Variants in IFT57 observed in about 807,000 individuals in gnomAD.
IFT57 encodes the protein intraflagellar transport protein 57 homolog.
IFT57 carries 59 observed loss-of-function variants against 56.8 expected under a neutral mutation model. The observed-to-expected ratio is 1.04, with a 90% CI of 0.84 to 1.29. IFT57 has a LOEUF of 1.29. Ranked by LOEUF, IFT57 falls within the 50% of genes most tolerant of loss-of-function variation. The pLI, the probability that IFT57 is intolerant of heterozygous loss-of-function variation, is 0.00. For missense variants in IFT57, 470 were observed against 522.1 expected, an observed-to-expected ratio of 0.90 and a Z score of 0.97; for synonymous variants, 209 against 186.1, an observed-to-expected ratio of 1.12 and a Z score of -1.00.
At chr3:108,178,927 TGTACATAATGC>T (rs1401898217) in intron 6 of IFT57, among the ~76,000 whole-genome samples, 171 of 148,028 alleles carry the variant, frequency 1.2e-3, no homozygotes, top group African/African-American at 4.0e-3. Context: ...AGTAGAAATG[TGTACATAATGC>T]TGCTATGAAA....
At chr3:108,203,552 G>C (rs1436296280) in intron 5 of IFT57, among the ~76,000 whole-genome samples, 1 of 151,108 alleles carries the variant, frequency 6.6e-6, no homozygotes, top group Non-Finnish European at 1.5e-5. Context: ...CACAGAAGAG[G>C]ATATGATTAT....
chr3:108,163,767 A>G (rs773992055), intron 9 of IFT57, 38 bp from the exon 10 acceptor site: 2 of 1,305,252 alleles, frequency 1.5e-6, no homozygotes, highest in African/African-American at 2.9e-5. Flanking sequence ...ATTACATTTT[A>G]ATAAACTTTC....
chr3:108,174,450 T>C lies in IFT57; in HGVS notation c.778-6586A>G, dbSNP rs76893772. Among the ~76,000 whole-genome samples the C allele has an allele frequency of 6.3e-3, 849 of 134,904 alleles. 8 individuals carry two copies. The highest frequency in any genetic ancestry group is 9.1e-3 in the Non-Finnish European group (539 of 58,976). 88.5% of individuals were successfully genotyped at this position (134,904 alleles called of 152,430 possible). A position where few individuals can be genotyped will look rare whatever the true frequency, so the allele number is the denominator to read the frequency against. On this transcript the variant is annotated intron_variant, in intron 6 of 10. Coordinates refer to ENST00000264538, the MANE Select transcript of IFT57 (RefSeq NM_018010.4). ...ACTGTTCAACAATAAGAGTAATTCT[T>C]ACATTAGTAGAGAATCCATTAGATT...
At chr3:108,221,552 T>C (rs142053472) in intron 1 of IFT57, among the ~76,000 whole-genome samples, 2 of 152,320 alleles carry the variant, frequency 1.3e-5, no homozygotes, top group South Asian at 2.1e-4. Context: ...AGAAGTCTTT[T>C]AAACCATAGC....
intron 5 of IFT57, among the ~76,000 whole-genome samples, chr3:108,194,160 G>C (rs1255224282): frequency 6.6e-6 from 1 of 152,076 alleles, no homozygotes; most frequent in Non-Finnish European, 1.5e-5. Flanking sequence ...ACATTATAGG[G>C]AACAAAATCA....
chr3:108,196,300 T>C (rs934999055), intron 5 of IFT57, among the ~76,000 whole-genome samples: 12 of 151,324 alleles, frequency 7.9e-5, no homozygotes, highest in Non-Finnish European at 1.5e-4. Flanking sequence ...CCTTACAAGA[T>C]TGAAGTTCAG....
chr3:108,184,824 G>T (rs574479749), intron 6 of IFT57, among the ~76,000 whole-genome samples: 70 of 152,182 alleles, frequency 4.6e-4, no homozygotes, highest in Admixed American at 4.5e-3. Flanking sequence ...ATTTCTTGAG[G>T]TTTTCGTGTA....
At chr3:108,210,399 T>C (rs558954308) in intron 4 of IFT57, among the ~76,000 whole-genome samples, 1 of 146,002 alleles carries the variant, frequency 6.8e-6, no homozygotes, top group East Asian at 2.0e-4. Flanking sequence ...AGTGGTGCAA[T>C]GTTGGCTCAC....
Position 108,166,789 on chromosome 3 carries a change from T to C in IFT57, c.981+65A>G. 2.2e-6 allele frequency: 3 copies of C among 1,367,742 alleles called. No individual in the cohort carries two copies. The South Asian group carries it at 4.1e-5, about 19-fold the overall frequency. 84.7% of individuals were successfully genotyped at this position (1,367,742 alleles called of 1,614,324 possible). ...TTCATGATTCTCAAATGAACAGTAT[T>C]GTGTCAAGTTTAGGGTTTAGGGTTG... is the stretch of plus-strand genomic sequence containing the variant. On this transcript the variant is annotated intron_variant, in intron 8 of 10. Transcript: ENST00000264538.
At chr3:108,190,574 A>C (rs904702937) in intron 6 of IFT57, among the ~76,000 whole-genome samples, 4 of 152,168 alleles carry the variant, frequency 2.6e-5, no homozygotes, top group Admixed American at 6.6e-5. Context: ...TAAGTTTCCT[A>C]AGGCCTCCCC....
At chr3:108,214,503 C>T (rs529314265) in intron 3 of IFT57, among the ~76,000 whole-genome samples, 1 of 152,186 alleles carries the variant, frequency 6.6e-6, no homozygotes, top group African/African-American at 2.4e-5. Flanking sequence ...CAACTTTGTA[C>T]AGTATTGTTT....
intron 6 of IFT57, among the ~76,000 whole-genome samples, chr3:108,183,387 T>C (rs1387056991): frequency 6.6e-6 from 1 of 152,138 alleles, no homozygotes; most frequent in South Asian, 2.1e-4. Flanking sequence ...ACAGCCTCTG[T>C]AGCAATCAGC....
intron 6 of IFT57, among the ~76,000 whole-genome samples, chr3:108,183,583 C>A (rs2080163504): frequency 6.6e-6 from 1 of 152,146 alleles, no homozygotes; most frequent in Admixed American, 6.6e-5. Flanking sequence ...TATAGTAAAT[C>A]TTCCCTTTTT....
At chr3:108,168,264 T>C (rs2080073762) in intron 6 of IFT57, among the ~76,000 whole-genome samples, 1 of 151,936 alleles carries the variant, frequency 6.6e-6, no homozygotes, top group Admixed American at 6.6e-5. Context: ...AGTTTGTCCC[T>C]TGGAAATGAA....
At chr3:108,169,845 T>C (rs1414869226) in intron 6 of IFT57, among the ~76,000 whole-genome samples, 1 of 151,966 alleles carries the variant, frequency 6.6e-6, no homozygotes, top group Non-Finnish European at 1.5e-5. Flanking sequence ...TGGTTCAACA[T>C]ACACAAATCA....
chr3:108,215,171 T>C (rs1323399932), intron 3 of IFT57, among the ~76,000 whole-genome samples: 1 of 152,180 alleles, frequency 6.6e-6, no homozygotes, highest in Non-Finnish European at 1.5e-5. Flanking sequence ...ATTTCCTATA[T>C]TAAAAGTACT....
At chr3:108,192,738 T>C (rs2080223084) in intron 5 of IFT57, among the ~76,000 whole-genome samples, 1 of 152,086 alleles carries the variant, frequency 6.6e-6, no homozygotes, top group African/African-American at 2.4e-5. Context: ...ATTTGAATAA[T>C]CTATAAAAAG....
intron 9 of IFT57, among the ~76,000 whole-genome samples, chr3:108,164,131 T>A (rs2080048357): frequency 6.6e-6 from 1 of 152,098 alleles, no homozygotes; most frequent in Non-Finnish European, 1.5e-5. Flanking sequence ...CTTTTCTGGG[T>A]ATCTTTCTTA....
chr3:108,188,987 C>T (rs2080199884), intron 6 of IFT57, among the ~76,000 whole-genome samples: 1 of 152,040 alleles, frequency 6.6e-6, no homozygotes, highest in Admixed American at 6.5e-5. Flanking sequence ...TGAGAGTTTC[C>T]AACTATACAA....
Sources: allele counts gnomAD v4.1 joint callset (sites outside exome capture counted in the v4.1 genomes callset), GRCh38; gene constraint gnomAD v4.1.1; transcripts MANE v1.5; gene names NCBI Gene and HGNC (gene_info 2026-07-23, HGNC 2026-07-21).